DNAJB6: variants seen among roughly 807,000 people sequenced by gnomAD.
The protein encoded by DNAJB6 is DnaJ heat shock protein family (Hsp40) member B6, also known as dnaJ homolog subfamily B member 6.
A neutral mutation model predicts 42.7 loss-of-function variants in DNAJB6; 16 were observed. That is an observed-to-expected ratio of 0.37 (90% CI 0.25 to 0.57). The LOEUF (loss-of-function observed/expected upper bound fraction) is 0.57. Among genes scored for constraint, DNAJB6 ranks in the 20% least tolerant of loss-of-function variants. DNAJB6 has a pLI of 0.74. For missense variants in DNAJB6, 347 were observed against 416.8 expected (o/e 0.83, Z 1.46); for synonymous variants, 170 against 163.5 (o/e 1.04, Z -0.30).
At chr7:157,357,399 C>T (rs974165524) in intron 1 of DNAJB6, among the ~76,000 whole-genome samples, 2 of 149,626 alleles carry the variant, frequency 1.3e-5, no homozygotes, top group Non-Finnish European at 3.0e-5. Flanking sequence ...ACTGCAGTCT[C>T]TGCCTCCTGG....
At chr7:157,391,880 T>C (rs1248595453) in intron 8 of DNAJB6, among the ~76,000 whole-genome samples, 2 of 152,100 alleles carry the variant, frequency 1.3e-5, no homozygotes, top group East Asian at 1.9e-4. Flanking sequence ...GGTGGGTTGA[T>C]TGCTTTGAGC....
chr7:157,344,512 C>CAAA (rs879823551), intron 1 of DNAJB6, among the ~76,000 whole-genome samples: 1 of 133,154 alleles, frequency 7.5e-6, no homozygotes. Flanking sequence ...GACTCAAACT[C>CAAA]AAAAAAAAAA....
chr7:157,346,828 TC>T (rs1297769770), intron 1 of DNAJB6, among the ~76,000 whole-genome samples: 1 of 152,178 alleles, frequency 6.6e-6, no homozygotes, highest in Non-Finnish European at 1.5e-5. Context: ...CACGTGGATT[TC>T]TCTTTCTAGA....
chr7:157,348,535 C>A (rs1011054527), intron 1 of DNAJB6, among the ~76,000 whole-genome samples: 3 of 152,170 alleles, frequency 2.0e-5, no homozygotes, highest in Non-Finnish European at 4.4e-5. Context: ...AAATAGCTCT[C>A]CTGTCTGCGC....
chr7:157,414,114 C>CGACTGCG (rs1796048117), intron 9 of DNAJB6: 1 of 152,394 alleles, frequency 6.6e-6, no homozygotes, highest in South Asian at 2.1e-4. Flanking sequence ...CGGGTGAGGG[C>CGACTGCG]GACTGCAGTG....
intron 8 of DNAJB6, 45 bp downstream of exon 8, chr7:157,385,656 C>T (rs368441535): frequency 4.8e-5 from 78 of 1,610,358 alleles, no homozygotes; most frequent in East Asian, 1.3e-4. Context: ...ATTCAACGCA[C>T]GCACTTAACA....
chr7:157,372,959 C>G (rs762325987), intron 5 of DNAJB6, among the ~76,000 whole-genome samples: 2 of 152,184 alleles, frequency 1.3e-5, no homozygotes, highest in Non-Finnish European at 2.9e-5. Context: ...GTTTTAGAGA[C>G]AGATTTCACT....
chr7:157,340,368 G>A (rs1393762034), intron 1 of DNAJB6, among the ~76,000 whole-genome samples: 1 of 152,042 alleles, frequency 6.6e-6, no homozygotes. Context: ...TTTAGCAAAT[G>A]GTGTAGTTCA....
chr7:157,391,521 C>T (rs1801341542), intron 8 of DNAJB6, among the ~76,000 whole-genome samples: 1 of 152,202 alleles, frequency 6.6e-6, no homozygotes, highest in Non-Finnish European at 1.5e-5. Context: ...CCCTGCCAGT[C>T]CCTGCCAAGC....
intron 8 of DNAJB6, among the ~76,000 whole-genome samples, chr7:157,400,817 G>A (rs1169416654): frequency 4.6e-5 from 7 of 152,154 alleles, no homozygotes; most frequent in Non-Finnish European, 7.3e-5. Context: ...TGAGTTGGTC[G>A]CTGAATCCTG....
intron 8 of DNAJB6, among the ~76,000 whole-genome samples, chr7:157,394,224 T>G (rs2117135170): frequency 6.6e-6 from 1 of 152,384 alleles, no homozygotes; most frequent in Middle Eastern, 3.4e-3. Context: ...ATTTCTATTT[T>G]CATTCAAAAA....
At chr7:157,409,709 TGCGGCCA>T in intron 8 of DNAJB6, 79 bp from the exon 9 acceptor site, 1 of 1,384,386 alleles carries the variant, frequency 7.2e-7, no homozygotes, top group East Asian at 2.6e-5. Flanking sequence ...AGGGAGATCG[TGCGGCCA>T]GCTTCCCTCC....
At chr7:157,395,816 CTAAT>C (rs1801557680) in intron 8 of DNAJB6, among the ~76,000 whole-genome samples, 1 of 151,320 alleles carries the variant, frequency 6.6e-6, no homozygotes. Context: ...CCACACCCGG[CTAAT>C]TCTTTTTATA....
At position 157,340,761 on chromosome 7, in the gene DNAJB6, T is replaced by C. The variant is rs1173897122; in HGVS notation, c.-27+3617T>C. 6.6e-5 allele frequency among the ~76,000 whole-genome samples: 10 copies of C among 151,614 alleles called. No individual in the cohort carries two copies. In the East Asian group the frequency reaches 1.6e-3, roughly 24 times the overall value. On this transcript the variant is annotated intron_variant, in intron 1 of 9. Coordinates refer to ENST00000262177, the MANE Select transcript of DNAJB6 (RefSeq NM_058246.4). ...GCGCGGTCTTGGCTCACTGCACTCC[T>C]GGGTTCAAGCCATTCTCCTGCTTCA...
intron 1 of DNAJB6, among the ~76,000 whole-genome samples, chr7:157,342,607 C>G (rs1375646434): frequency 1.3e-5 from 2 of 152,160 alleles, no homozygotes; most frequent in East Asian, 3.9e-4. Flanking sequence ...CAGGCGTGAG[C>G]CAGCGTGCTG....
At position 157,384,734 on chromosome 7, in the gene DNAJB6, A is replaced by G; in HGVS notation, c.479-133A>G. The G allele has an allele frequency of 4.8e-6, 4 of 826,810 alleles. No homozygotes were observed. In the South Asian group the frequency reaches 7.1e-5, roughly 15 times the overall value. The allele number at this position is 826,810 out of a possible 1,614,324, so 51.2% of individuals were successfully genotyped here. A position where few individuals can be genotyped will look rare whatever the true frequency, so the allele number is the denominator to read the frequency against. Reference sequence around the variant, plus strand: ...CCAGCACTTCAGCTGAGGCCTTGATAGTTGCGTCGTTTATTACTCCTCGGT... The same window carrying G: ...CCAGCACTTCAGCTGAGGCCTTGATGGTTGCGTCGTTTATTACTCCTCGGT... On this transcript the variant is annotated intron_variant, in intron 6 of 9. Coordinates refer to ENST00000262177, the MANE Select transcript of DNAJB6 (RefSeq NM_058246.4).
chr7:157,361,436 C>T (rs752243199), intron 2 of DNAJB6, among the ~76,000 whole-genome samples: 3 of 152,140 alleles, frequency 2.0e-5, no homozygotes, highest in African/African-American at 4.8e-5. Flanking sequence ...AGATTACAGG[C>T]ATGAGCCACT....
rs944560394 is a variant in DNAJB6, at chr7:157,346,209, C to T, written c.-27+9065C>T. 6.6e-5 allele frequency among the ~76,000 whole-genome samples: 10 copies of T among 150,684 alleles called. No homozygotes were observed. The East Asian group carries it at 1.6e-3, about 24-fold the overall frequency. ...AAGGCCAGTTAAAATGTTTTATTGC[C>T]ACAAATGGTGTCTTTTAAGAAATGA... On this transcript the variant is annotated intron_variant, in intron 1 of 9. Coordinates refer to ENST00000262177, the MANE Select transcript of DNAJB6 (RefSeq NM_058246.4).
intron 1 of DNAJB6, among the ~76,000 whole-genome samples, chr7:157,338,011 T>A (rs1798141997): frequency 1.3e-5 from 2 of 152,212 alleles, no homozygotes; most frequent in South Asian, 4.1e-4. Flanking sequence ...GCTCGGAGGC[T>A]TCAGCCTGTT....
Sources: allele counts gnomAD v4.1 joint callset (sites outside exome capture counted in the v4.1 genomes callset), GRCh38; gene constraint gnomAD v4.1.1; transcripts MANE v1.5; gene names NCBI Gene and HGNC (gene_info 2026-07-23, HGNC 2026-07-21).